The following SLC4A5 variants were observed in gnomAD, a reference collection of about 807,000 sequenced individuals.
The protein encoded by SLC4A5 is solute carrier family 4 member 5, also known as electrogenic sodium bicarbonate cotransporter 4.
A neutral mutation model predicts 120.4 loss-of-function variants in SLC4A5; 96 were observed. The ratio of observed to expected loss-of-function variants is 0.80; its 90% CI spans 0.68 to 0.94. SLC4A5 has a LOEUF of 0.94. Ranked by LOEUF, SLC4A5 falls within the 40% of genes least tolerant of loss-of-function variation. The probability of loss-of-function intolerance (pLI) is 0.00; values close to 1 mark genes in which losing one functional copy is unlikely to be tolerated. For missense variants in SLC4A5, 1,259 were observed against 1,459.5 expected, an observed-to-expected ratio of 0.86 and a Z score of 2.24; for synonymous variants, 550 against 571.1, an observed-to-expected ratio of 0.96 and a Z score of 0.53.
intron 7 of SLC4A5, among the ~76,000 whole-genome samples, chr2:74,300,309 T>C (rs1672441107): frequency 6.6e-6 from 1 of 152,132 alleles, no homozygotes; most frequent in African/African-American, 2.4e-5. Context: ...ATACTTGAAA[T>C]TTGCTTAGAG....
chr2:74,227,888 G>T lies in SLC4A5; in HGVS notation c.2848-10C>A. 6.3e-7 allele frequency: 1 copy of T among 1,599,314 alleles called. No homozygotes were observed. On this transcript the variant is annotated splice_polypyrimidine_tract_variant and intron_variant, in intron 25 of 30. Transcript: ENST00000394019. ...CCGGCAGGGGGATACACTAAAATGA[G>T]AGCAGAGCTTTGGATCGGCCTCTGC...
At chr2:74,243,780 T>A (rs1670521982) in intron 19 of SLC4A5, among the ~76,000 whole-genome samples, 1 of 152,220 alleles carries the variant, frequency 6.6e-6, no homozygotes, top group Admixed American at 6.5e-5. Flanking sequence ...TTGAGATGAA[T>A]ATGAAAGAAA....
At chr2:74,263,375 C>T (rs2109356) in intron 10 of SLC4A5, among the ~76,000 whole-genome samples, 24,065 of 152,166 alleles carry the variant, frequency 0.16, 2,578 homozygotes, top group African/African-American at 0.3. Context: ...TGTGGGCCAC[C>T]ATGTCCGGCC....
chr2:74,304,720 T>C (rs371644558), intron 6 of SLC4A5, 40 bp from the exon 7 acceptor site: 2 of 1,563,274 alleles, frequency 1.3e-6, no homozygotes, highest in Non-Finnish European at 1.7e-6. Context: ...GCAGGGTTAC[T>C]GAAAATTGGC....
At chr2:74,282,434 G>C (rs1401550587) in intron 8 of SLC4A5, among the ~76,000 whole-genome samples, 1 of 152,228 alleles carries the variant, frequency 6.6e-6, no homozygotes, top group African/African-American at 2.4e-5. Context: ...GCTGGTTGGA[G>C]CCAGGTTATC....
chr2:74,227,760 C>G (rs1281852413), intron 26 of SLC4A5, 50 bp downstream of exon 26: 1 of 1,501,344 alleles, frequency 6.7e-7, no homozygotes, highest in Admixed American at 2.1e-5. Flanking sequence ...TGGAACCAGA[C>G]ATGGAATGTT....
chr2:74,266,397 T>C (rs1026624267), intron 8 of SLC4A5, among the ~76,000 whole-genome samples: 1 of 152,130 alleles, frequency 6.6e-6, no homozygotes, highest in African/African-American at 2.4e-5. Context: ...GCCTCCCAAG[T>C]AGCTGGGACT....
At position 74,233,396 on chromosome 2, in the gene SLC4A5, C is replaced by A. The variant is rs768041208; in HGVS notation, c.2595+6G>T. ...GTTATGCCTCTGCTCCTAGTACCGG[C>A]CTTACCTTCAGTTTGTTCTCCTTCC... On this transcript the variant is annotated splice_donor_region_variant and intron_variant, in intron 23 of 30. Transcript: ENST00000394019. 9 of 1,613,954 alleles carry A rather than the reference C, an allele frequency of 5.6e-6. No homozygotes were observed.
chr2:74,244,521 TTCTC>T (rs1475015436), intron 19 of SLC4A5, among the ~76,000 whole-genome samples: 2 of 151,568 alleles, frequency 1.3e-5, no homozygotes, highest in African/African-American at 2.4e-5. Flanking sequence ...TCCCCTTTCT[TTCTC>T]TTTCTTTTTT....
At chr2:74,241,516 A>C (rs1433434743) in intron 20 of SLC4A5, among the ~76,000 whole-genome samples, 1 of 151,862 alleles carries the variant, frequency 6.6e-6, no homozygotes, top group Non-Finnish European at 1.5e-5. Flanking sequence ...CGAGGCCGGC[A>C]GATCACTTGA....
At position 74,303,045 on chromosome 2, in the gene SLC4A5, T is replaced by TGTGC. The variant is rs1491338447; in HGVS notation, c.271+1443_271+1444insGCAC. On this transcript the variant is annotated intron_variant, in intron 7 of 30. Transcript: ENST00000394019. ...GTGTGTGTGTGTGTGTGTGTGTGTG[T>TGTGC]GCATGTGGAAGTGTTTTTTTGTGTG... is the stretch of plus-strand genomic sequence containing the variant. Among the ~76,000 whole-genome samples the TGTGC allele has an allele frequency of 2.0e-5, 3 of 147,128 alleles. No homozygotes were observed. In the South Asian group the frequency reaches 6.5e-4, roughly 32 times the overall value.
At chr2:74,228,993 C>T (rs1407094547) in intron 25 of SLC4A5, among the ~76,000 whole-genome samples, 2 of 152,062 alleles carry the variant, frequency 1.3e-5, no homozygotes, top group Non-Finnish European at 1.5e-5. Flanking sequence ...AGAGGCTGTT[C>T]CTCCTTGTGG....
intron 30 of SLC4A5, 135 bp from the exon 31 acceptor site, chr2:74,218,927 A>C (rs539998624): frequency 6.6e-6 from 1 of 152,422 alleles, no homozygotes; most frequent in South Asian, 2.1e-4. Flanking sequence ...GCAGTTTCCT[A>C]TTGGCTTGGC....
chr2:74,329,259 G>A (rs1673291258), intron 4 of SLC4A5, among the ~76,000 whole-genome samples: 2 of 152,210 alleles, frequency 1.3e-5, no homozygotes. Flanking sequence ...ATAGATAGAG[G>A]TGTGAGGTGT....
At chr2:74,268,164 ATACACTC>A in intron 8 of SLC4A5, among the ~76,000 whole-genome samples, 1 of 152,280 alleles carries the variant, frequency 6.6e-6, no homozygotes, top group African/African-American at 2.4e-5. Flanking sequence ...AGCACACAAG[ATACACTC>A]TGTTAATGTT....
At chr2:74,290,664 G>A (rs1672137467) in intron 7 of SLC4A5, 7 of 982,084 alleles carry the variant, frequency 7.1e-6, no homozygotes, top group Non-Finnish European at 7.2e-6. Context: ...GAGCAAGAGA[G>A]AGAGAGAAGT....
At chr2:74,310,220 T>G (rs1211571211) in intron 6 of SLC4A5, among the ~76,000 whole-genome samples, 1 of 152,232 alleles carries the variant, frequency 6.6e-6, no homozygotes, top group Non-Finnish European at 1.5e-5. Context: ...TGGGATTTTC[T>G]GCATAGACAG....
chr2:74,234,606 T>A (rs1670209746), intron 22 of SLC4A5, among the ~76,000 whole-genome samples: 1 of 152,222 alleles, frequency 6.6e-6, no homozygotes. Context: ...GAAGGGCTTG[T>A]TAAAATGCAG....
chr2:74,288,258 G>A (rs1672047892), intron 7 of SLC4A5, among the ~76,000 whole-genome samples: 1 of 152,048 alleles, frequency 6.6e-6, no homozygotes, highest in South Asian at 2.1e-4. Flanking sequence ...GCCTTCTTAG[G>A]TAAACATATG....
Sources: gnomAD v4.1 joint callset for allele counts (sites outside exome capture counted in the v4.1 genomes callset) on GRCh38, gnomAD v4.1.1 for gene constraint, MANE v1.5 for transcripts, NCBI Gene and HGNC (gene_info 2026-07-23, HGNC 2026-07-21) for gene names.